Variants in ZBTB16 observed in about 807,000 individuals in gnomAD.
ZBTB16 encodes the protein zinc finger and BTB domain containing 16.
Under a neutral mutation model 56.8 loss-of-function variants are expected in ZBTB16, and 8 were observed. That is an observed-to-expected ratio of 0.14 (90% CI 0.08 to 0.25). The LOEUF (loss-of-function observed/expected upper bound fraction) is 0.25, where lower values mean the gene tolerates loss of function less well. Ranked by LOEUF, ZBTB16 falls within the 10% of genes least tolerant of loss-of-function variation. The pLI is 1.00. For missense variants in ZBTB16, 625 were observed against 903.0 expected (o/e 0.69, Z 3.95); for synonymous variants, 363 against 368.5 (o/e 0.98, Z 0.17).
chr11:114,124,854 G>A (rs1591691127), intron 2 of ZBTB16, among the ~76,000 whole-genome samples: 2 of 152,288 alleles, frequency 1.3e-5, no homozygotes, highest in East Asian at 3.9e-4. Flanking sequence ...GCAGCACGAG[G>A]GTGCTGTGGA....
rs1021276567 is a variant in ZBTB16 at position 114,254,166 on chromosome 11, AATATATAG to A, written c.*3627_*3634del. Among the ~76,000 whole-genome samples, 9 of 151,468 alleles carry A rather than the reference AATATATAG, an allele frequency of 5.9e-5. No homozygotes were observed. Among genetic ancestry groups the A allele is most frequent in the East Asian group, 1.9e-4 (1 of 5,192 alleles). ...ATCCTATGTATATATAGGATAGACA[AATATATAG>A]ATATATAGATATATATATATATAGC... On this transcript the variant is annotated 3_prime_UTR_variant, in exon 7 of 7. Transcript: ENST00000335953.
chr11:114,175,376 A>G (rs902886900), intron 3 of ZBTB16, among the ~76,000 whole-genome samples: 5 of 152,212 alleles, frequency 3.3e-5, no homozygotes, highest in African/African-American at 1.2e-4. Flanking sequence ...TGATGCAAGC[A>G]TTGTGCTAAC....
chr11:114,196,917 T>C (rs1020954030), intron 4 of ZBTB16, among the ~76,000 whole-genome samples: 8 of 152,110 alleles, frequency 5.3e-5, no homozygotes, highest in Non-Finnish European at 1.0e-4. Context: ...GGAAGACCAA[T>C]CTGGGGCAGG....
intron 4 of ZBTB16, among the ~76,000 whole-genome samples, chr11:114,204,882 C>A (rs777137627): frequency 6.6e-6 from 1 of 152,176 alleles, no homozygotes; most frequent in South Asian, 2.1e-4. Flanking sequence ...AGTGGTCACT[C>A]GCCCTGAGCT....
intron 2 of ZBTB16, among the ~76,000 whole-genome samples, chr11:114,148,833 T>G (rs1591717031): frequency 6.6e-6 from 1 of 151,036 alleles, no homozygotes; most frequent in African/African-American, 2.5e-5. Flanking sequence ...GAGCTTCTCT[T>G]TTGGACAGTA....
intron 2 of ZBTB16, among the ~76,000 whole-genome samples, chr11:114,067,078 C>A (rs1423948421): frequency 6.6e-6 from 1 of 152,090 alleles, no homozygotes; most frequent in Non-Finnish European, 1.5e-5. Context: ...CCTTCACTCA[C>A]TTCTTAAAAT....
chr11:114,067,307 G>A (rs1237732809), intron 2 of ZBTB16, among the ~76,000 whole-genome samples: 2 of 152,158 alleles, frequency 1.3e-5, no homozygotes, highest in Non-Finnish European at 1.5e-5. Flanking sequence ...GTGAGGTGGT[G>A]CAGAGAATGT....
chr11:114,234,211 A>AT (rs1254219773), intron 4 of ZBTB16, among the ~76,000 whole-genome samples: 1 of 152,208 alleles, frequency 6.6e-6, no homozygotes, highest in African/African-American at 2.4e-5. Flanking sequence ...AGAGGGCTGG[A>AT]TAAAGAGACC....
rs900322385 is a variant in ZBTB16, at chr11:114,252,777, G to A, written c.*2222G>A. Among the ~76,000 whole-genome samples, 1 of 152,032 alleles carries A rather than the reference G, an allele frequency of 6.6e-6. No individual in the cohort carries two copies. The highest frequency in any genetic ancestry group is 2.4e-5 in the African/African-American group (1 of 41,356). ...CCGGAGGGATGGGTGCTGCTGCGAC[G>A]ACCCCCCCGTCCCTCGGCCCCAGCC... On this transcript the variant is annotated 3_prime_UTR_variant, in exon 7 of 7. Transcript: ENST00000335953.
At chr11:114,085,944 G>A (rs749334553) in intron 2 of ZBTB16, among the ~76,000 whole-genome samples, 7 of 152,184 alleles carry the variant, frequency 4.6e-5, no homozygotes, top group Admixed American at 2.6e-4. Flanking sequence ...GGGAGGGTGT[G>A]AGACCATGTG....
At position 114,064,351 on chromosome 11, in the gene ZBTB16, T is replaced by A. The variant is rs775536767; in HGVS notation, c.1051T>A (p.Ser351Thr). 1 of 1,614,022 alleles carries A rather than the reference T, an allele frequency of 6.2e-7. No homozygotes were observed. Among genetic ancestry groups the A allele is most frequent in the South Asian group, 1.1e-5 (1 of 91,076 alleles). The part of the protein sequence containing the change: ...KADAVLSMPS[S>T]VTSGLHVQPA... ...TGACGCTGTATTGAGCATGCCGTCTTCCGTGACCTCTGGCCTCCACGTGCA... is the reference window on the plus strand; with the variant it reads ...TGACGCTGTATTGAGCATGCCGTCTACCGTGACCTCTGGCCTCCACGTGCA... Residue 351 changes from serine to threonine, a missense_variant, in exon 2 of 7, where the codon TCC becomes ACC. Physicochemically the swap from Ser to Thr is moderately conservative, Grantham distance 58. Coordinates refer to ENST00000335953, the MANE Select transcript of ZBTB16 (RefSeq NM_006006.6). This position sits in a 1 kb window ranked among gnomAD's most constrained non-coding sequence, Gnocchi z 4.2.
intron 3 of ZBTB16, among the ~76,000 whole-genome samples, chr11:114,160,714 G>C: frequency 6.6e-6 from 1 of 152,166 alleles, no homozygotes; most frequent in Non-Finnish European, 1.5e-5. Context: ...ATTTCAATTC[G>C]AATGTGTGAA....
At chr11:114,100,124 T>C (rs1940557090) in intron 2 of ZBTB16, among the ~76,000 whole-genome samples, 1 of 152,228 alleles carries the variant, frequency 6.6e-6, no homozygotes, top group Non-Finnish European at 1.5e-5. Flanking sequence ...GACACTAATA[T>C]ATTCTGAGAT....
chr11:114,079,563 A>G (rs1209339701), intron 2 of ZBTB16, among the ~76,000 whole-genome samples: 1 of 152,216 alleles, frequency 6.6e-6, no homozygotes, highest in Non-Finnish European at 1.5e-5. Flanking sequence ...CCACAGCCCC[A>G]CAGAGTTTGG....
intron 2 of ZBTB16, among the ~76,000 whole-genome samples, chr11:114,116,309 T>A (rs868236947): frequency 1.3e-4 from 20 of 152,342 alleles, no homozygotes; most frequent in Middle Eastern, 3.4e-3. Flanking sequence ...GAGGCACAAC[T>A]GACTTTATTA....
At chr11:114,183,512 G>A (rs1317077740) in intron 3 of ZBTB16, among the ~76,000 whole-genome samples, 2 of 152,092 alleles carry the variant, frequency 1.3e-5, no homozygotes, top group Non-Finnish European at 2.9e-5. Flanking sequence ...AGAACCCTCC[G>A]CGCCACATCC....
At chr11:114,174,641 G>C (rs997637212) in intron 3 of ZBTB16, among the ~76,000 whole-genome samples, 7 of 152,202 alleles carry the variant, frequency 4.6e-5, no homozygotes, top group African/African-American at 1.7e-4. Flanking sequence ...AACATCTCTA[G>C]GTAATATTTC....
At chr11:114,074,222 C>T (rs769948835) in intron 2 of ZBTB16, among the ~76,000 whole-genome samples, 24 of 152,354 alleles carry the variant, frequency 1.6e-4, no homozygotes, top group South Asian at 1.2e-3. Context: ...CACCCTCACC[C>T]GGCGTTGTGC....
intron 2 of ZBTB16, among the ~76,000 whole-genome samples, chr11:114,138,129 G>A (rs1422186152): frequency 6.6e-6 from 1 of 152,172 alleles, no homozygotes; most frequent in Non-Finnish European, 1.5e-5. Context: ...GGTGAGGGAG[G>A]GCAGGAGGAC....
Sources: gnomAD v4.1 joint callset for allele counts (sites outside exome capture counted in the v4.1 genomes callset) on GRCh38, gnomAD v4.1.1 for gene constraint, Gnocchi (gnomAD v3.1) non-coding constraint, MANE v1.5 for transcripts, NCBI Gene and HGNC (gene_info 2026-07-23, HGNC 2026-07-21) for gene names.